The following TUSC3 variants were observed in gnomAD, a reference collection of about 807,000 sequenced individuals.
TUSC3 encodes tumor suppressor candidate 3.
Under a neutral mutation model 44.8 loss-of-function variants are expected in TUSC3, and 45 were observed. The ratio of observed to expected loss-of-function variants is 1.00; its 90% CI spans 0.79 to 1.29. The LOEUF is 1.29. TUSC3 is among the 50% of genes most tolerant of loss of function. The pLI is 0.00. For missense variants in TUSC3, 519 were observed against 437.9 expected, an observed-to-expected ratio of 1.19 and a Z score of -1.65; for synonymous variants, 212 against 152.9, an observed-to-expected ratio of 1.39 and a Z score of -2.85.
At chr8:15,839,782 A>C in the TUSC3 span, among the ~76,000 whole-genome samples, 1 of 152,140 alleles carries the variant, frequency 6.6e-6, no homozygotes, top group African/African-American at 2.4e-5. Flanking sequence ...GTTGGTAGGA[A>C]TGTAAACTAG....
At chr8:15,815,580 A>C in the TUSC3 span, among the ~76,000 whole-genome samples, 74 of 152,270 alleles carry the variant, frequency 4.9e-4, no homozygotes, top group African/African-American at 1.7e-3. Context: ...AAGAGTAATT[A>C]GACCTGGAAA....
intron 2 of TUSC3, among the ~76,000 whole-genome samples, chr8:15,493,665 A>T (rs1049352152): frequency 6.6e-6 from 1 of 152,178 alleles, no homozygotes; most frequent in African/African-American, 2.4e-5. Context: ...AACATAAAAC[A>T]TAGTTGCTGC....
At chr8:15,649,416 C>G (rs1806784556) in intron 2 of TUSC3, among the ~76,000 whole-genome samples, 1 of 151,966 alleles carries the variant, frequency 6.6e-6, no homozygotes, top group East Asian at 1.9e-4. Context: ...AACCCCGTCT[C>G]TACTAAAAAT....
At chr8:15,484,433 C>T (rs531156957) in intron 2 of TUSC3, among the ~76,000 whole-genome samples, 42 of 152,264 alleles carry the variant, frequency 2.8e-4, no homozygotes, top group African/African-American at 8.7e-4. Context: ...AGTAAATAAA[C>T]GCTTTTGTTT....
intron 3 of TUSC3, among the ~76,000 whole-genome samples, chr8:15,654,446 A>G (rs946638637): frequency 1.3e-5 from 2 of 152,194 alleles, no homozygotes; most frequent in African/African-American, 4.8e-5. Context: ...CACACTTATT[A>G]GATACATTAG....
chr8:15,810,397 G>C, the TUSC3 span, among the ~76,000 whole-genome samples: 1 of 152,154 alleles, frequency 6.6e-6, no homozygotes, highest in Non-Finnish European at 1.5e-5. Context: ...CTGCACTTTG[G>C]GAAGCTAAGG....
chr8:15,840,690 T>C, the TUSC3 span, among the ~76,000 whole-genome samples: 4 of 152,148 alleles, frequency 2.6e-5, no homozygotes, highest in Admixed American at 2.0e-4. Context: ...TCAGAATAAA[T>C]AGAAAAACAC....
At chr8:15,675,844 C>T (rs1808164760) in intron 6 of TUSC3, among the ~76,000 whole-genome samples, 1 of 152,090 alleles carries the variant, frequency 6.6e-6, no homozygotes, top group Admixed American at 6.6e-5. Context: ...TGTGGATGGA[C>T]ACCTCAGTTG....
At chr8:15,512,106 T>C (rs1801145396) in intron 2 of TUSC3, among the ~76,000 whole-genome samples, 1 of 152,198 alleles carries the variant, frequency 6.6e-6, no homozygotes, top group Admixed American at 6.5e-5. Flanking sequence ...ACTACGTAAT[T>C]TCAAAACTTA....
At chr8:15,689,784 T>G (rs911499020) in intron 6 of TUSC3, among the ~76,000 whole-genome samples, 3 of 151,590 alleles carry the variant, frequency 2.0e-5, no homozygotes, top group Admixed American at 6.6e-5. Context: ...GCAAAGCACA[T>G]GATCTCATTC....
Position 15,624,392 on chromosome 8 carries a change from A to T in TUSC3, c.308+1143A>T, listed in dbSNP as rs185945370. On this transcript the variant is annotated intron_variant, in intron 2 of 10. Transcript: ENST00000503731. ...TATTTAGTTATATAAGAAACAGCCA[A>T]AATGTTTTCTAGAATGGCTGTATCA... Among the ~76,000 whole-genome samples, 706 of 152,336 alleles carry T rather than the reference A, an allele frequency of 4.6e-3. 3 individuals carry two copies. Among genetic ancestry groups the T allele is most frequent in the Non-Finnish European group, 7.5e-3 (508 of 68,034 alleles).
At chr8:15,531,081 C>A (rs749518026) in intron 2 of TUSC3, among the ~76,000 whole-genome samples, 1 of 152,060 alleles carries the variant, frequency 6.6e-6, no homozygotes, top group East Asian at 1.9e-4. Context: ...ACTAGTAGGC[C>A]GCTGTGCATG....
At chr8:15,476,309 G>A (rs1426008548) in intron 1 of TUSC3, among the ~76,000 whole-genome samples, 4 of 152,078 alleles carry the variant, frequency 2.6e-5, no homozygotes. Context: ...TTTTCTTAAT[G>A]TGTTCTATTC....
chr8:15,789,956 C>T, the TUSC3 span, among the ~76,000 whole-genome samples: 1 of 152,046 alleles, frequency 6.6e-6, no homozygotes, highest in Non-Finnish European at 1.5e-5. Context: ...TGGTAGACAG[C>T]AATGTTTATT....
rs1160731392 is a variant in TUSC3 at position 15,429,811 on chromosome 8, C to A, written n.91+12506C>A. Among the ~76,000 whole-genome samples, 5 of 151,708 alleles carry A rather than the reference C, an allele frequency of 3.3e-5. No individual in the cohort carries two copies. The East Asian group carries it at 9.7e-4, about 29-fold the overall frequency. On this transcript the variant is annotated intron_variant and non_coding_transcript_variant, in intron 1 of 5. Transcript: ENST00000503191. ...TGACAAAGGGGATATCACCACCGAT[C>A]CCACAGAAATACAAACTACCATCAG...
At chr8:15,529,165 A>G (rs767874297) in intron 2 of TUSC3, among the ~76,000 whole-genome samples, 12 of 152,224 alleles carry the variant, frequency 7.9e-5, no homozygotes, top group South Asian at 2.1e-4. Context: ...CACAAGTTCT[A>G]AAATGCAATC....
In TUSC3 at chr8:15,456,340, T is replaced by A. The variant is rs534288824; in HGVS notation, n.92-27046T>A. On this transcript the variant is annotated intron_variant and non_coding_transcript_variant, in intron 1 of 5. Transcript: ENST00000503191. The stretch of plus-strand genomic sequence containing the variant: ...CCTGTTGAGAAAGTTTTACACCAAT[T>A]TGGCCTTTAGTTTCTGAACCTCTTG... Among the ~76,000 whole-genome samples the A allele has an allele frequency of 1.1e-4, 17 of 152,232 alleles. No homozygotes were observed. In the South Asian group the frequency reaches 3.5e-3, roughly 32 times the overall value.
chr8:15,479,697 A>G (rs543124457), intron 1 of TUSC3, among the ~76,000 whole-genome samples: 2 of 152,240 alleles, frequency 1.3e-5, no homozygotes, highest in East Asian at 3.9e-4. Flanking sequence ...TTGTAGTATA[A>G]TTTGAAGTCA....
intron 2 of TUSC3, among the ~76,000 whole-genome samples, chr8:15,489,123 G>C (rs1464580862): frequency 1.3e-5 from 2 of 152,184 alleles, no homozygotes; most frequent in African/African-American, 2.4e-5. Flanking sequence ...TTGGGTTACA[G>C]CTTGATTTTA....
Sources: gnomAD v4.1 joint callset for allele counts (sites outside exome capture counted in the v4.1 genomes callset) on GRCh38, gnomAD v4.1.1 for gene constraint, MANE v1.5 for transcripts, NCBI Gene and HGNC (gene_info 2026-07-23, HGNC 2026-07-21) for gene names.